The following VTI1A variants were observed in gnomAD, a reference collection of about 807,000 sequenced individuals.
VTI1A encodes the protein vesicle transport through interaction with t-SNAREs homolog 1A.
In VTI1A, 22 loss-of-function variants were observed where a neutral mutation model predicts 34.9. The ratio of observed to expected loss-of-function variants is 0.63; its 90% CI spans 0.45 to 0.90. The LOEUF (loss-of-function observed/expected upper bound fraction) is 0.90. VTI1A is among the 40% of genes least tolerant of loss of function. The pLI, the probability that VTI1A is intolerant of heterozygous loss-of-function variation, is 0.00. For synonymous variants in VTI1A, 87 were observed against 97.3 expected, an observed-to-expected ratio of 0.89 and a Z score of 0.62; for missense variants, 268 against 275.6, an observed-to-expected ratio of 0.97 and a Z score of 0.20.
the VTI1A span, among the ~76,000 whole-genome samples, chr10:112,838,471 G>C: frequency 6.6e-6 from 1 of 151,580 alleles, no homozygotes; most frequent in African/African-American, 2.4e-5. Flanking sequence ...TTACAACTGG[G>C]AATGATCCTG....
chr10:112,604,807 A>C (rs1845013317), intron 5 of VTI1A, among the ~76,000 whole-genome samples: 1 of 152,158 alleles, frequency 6.6e-6, no homozygotes, highest in Non-Finnish European at 1.5e-5. Context: ...TTAAAGGCAC[A>C]TTTCTTGGTG....
intron 5 of VTI1A, among the ~76,000 whole-genome samples, chr10:112,591,503 G>C (rs991781444): frequency 1.4e-5 from 2 of 141,688 alleles, no homozygotes; most frequent in African/African-American, 5.3e-5. Context: ...CTGGGTGACA[G>C]AGTGAGACTC....
At position 112,816,922 on chromosome 10, in the gene VTI1A, C is replaced by T. The variant is rs1303829170; in HGVS notation, c.*1539C>T. 2 of 230,514 alleles carry T rather than the reference C, an allele frequency of 8.7e-6. No homozygotes were observed. The highest frequency in any genetic ancestry group is 2.2e-5 in the African/African-American group (1 of 45,170). The allele number at this position is 230,514 out of a possible 1,614,324, so 14.3% of individuals were successfully genotyped here. Reference sequence around the variant, plus strand: ...AAACAGGCCAAGGCCTGCATGTGTTCGGATAAATCATTTAGTATTGTGTAA... The same window carrying T: ...AAACAGGCCAAGGCCTGCATGTGTTTGGATAAATCATTTAGTATTGTGTAA... On this transcript the variant is annotated 3_prime_UTR_variant, in exon 8 of 8. Transcript: ENST00000393077.
At chr10:112,586,947 C>A (rs535238824) in intron 5 of VTI1A, among the ~76,000 whole-genome samples, 1 of 152,240 alleles carries the variant, frequency 6.6e-6, no homozygotes, top group East Asian at 1.9e-4. Flanking sequence ...CTCAGAAATT[C>A]CACATCCATA....
chr10:112,490,269 A>C (rs1236659606), intron 3 of VTI1A, among the ~76,000 whole-genome samples: 2 of 152,238 alleles, frequency 1.3e-5, no homozygotes, highest in Non-Finnish European at 2.9e-5. Context: ...GTGAAATGAG[A>C]AAAAAGTCTT....
At chr10:112,629,936 C>T (rs868853202) in intron 5 of VTI1A, among the ~76,000 whole-genome samples, 12 of 151,934 alleles carry the variant, frequency 7.9e-5, no homozygotes, top group Admixed American at 6.6e-4. Flanking sequence ...TTTTTTTAAA[C>T]GAAGATGATT....
intron 7 of VTI1A, among the ~76,000 whole-genome samples, chr10:112,769,749 T>C (rs1427684730): frequency 1.3e-5 from 2 of 152,098 alleles, no homozygotes; most frequent in Non-Finnish European, 2.9e-5. Flanking sequence ...TCTTTTACCT[T>C]CCTGTTGCAA....
At chr10:112,524,031 G>GT (rs965177646) in intron 3 of VTI1A, among the ~76,000 whole-genome samples, 28 of 151,102 alleles carry the variant, frequency 1.9e-4, no homozygotes, top group East Asian at 1.2e-3. Flanking sequence ...TGTAGCATGG[G>GT]TTTTTTTTTA....
chr10:112,800,269 G>A (rs1021466390), intron 7 of VTI1A, among the ~76,000 whole-genome samples: 1 of 152,200 alleles, frequency 6.6e-6, no homozygotes, highest in African/African-American at 2.4e-5. Flanking sequence ...CTGAAGGCAG[G>A]GATTCCAGGC....
At chr10:112,639,984 A>G (rs1846505933) in intron 5 of VTI1A, among the ~76,000 whole-genome samples, 1 of 152,198 alleles carries the variant, frequency 6.6e-6, no homozygotes, top group South Asian at 2.1e-4. Flanking sequence ...CTTCACCAGT[A>G]AATTAGGAAT....
chr10:112,584,233 A>G (rs1844065024), intron 5 of VTI1A, among the ~76,000 whole-genome samples: 1 of 152,220 alleles, frequency 6.6e-6, no homozygotes, highest in Non-Finnish European at 1.5e-5. Flanking sequence ...TAGTCTGGAC[A>G]TTCTAGCATC....
the VTI1A span, among the ~76,000 whole-genome samples, chr10:112,837,352 G>A: frequency 6.6e-6 from 1 of 152,080 alleles, no homozygotes; most frequent in Non-Finnish European, 1.5e-5. Flanking sequence ...GAGGGGGAGG[G>A]GATAGAAGAC....
At chr10:112,547,410 C>G (rs1046936284) in intron 5 of VTI1A, among the ~76,000 whole-genome samples, 9 of 152,104 alleles carry the variant, frequency 5.9e-5, no homozygotes, top group African/African-American at 2.2e-4. Flanking sequence ...AACCCCGTCT[C>G]TATTAAAAAT....
chr10:112,734,179 C>T (rs1416925522), intron 7 of VTI1A, among the ~76,000 whole-genome samples: 1 of 152,236 alleles, frequency 6.6e-6, no homozygotes, highest in African/African-American at 2.4e-5. Context: ...CTCCTCCCAC[C>T]TCAAAATAGG....
chr10:112,580,077 T>TGGA (rs2134394807), intron 5 of VTI1A, among the ~76,000 whole-genome samples: 1 of 152,318 alleles, frequency 6.6e-6, no homozygotes, highest in East Asian at 1.9e-4. Flanking sequence ...TAGAGATCCC[T>TGGA]GATCATGTGT....
At chr10:112,457,074 A>T (rs11195964) in intron 1 of VTI1A, among the ~76,000 whole-genome samples, 70,876 of 152,046 alleles carry the variant, frequency 0.47, 18,713 homozygotes, top group Non-Finnish European at 0.61. Flanking sequence ...GAAGAAAAAA[A>T]CAAGATTTGT....
In VTI1A at chr10:112,816,835, C is replaced by G. The variant is rs971623645; in HGVS notation, c.*1452C>G. The G allele has an allele frequency of 1.7e-5, 4 of 229,902 alleles. No individual in the cohort carries two copies. The highest frequency in any genetic ancestry group is 3.4e-5 in the Non-Finnish European group (4 of 116,078). 14.2% of individuals were successfully genotyped at this position (229,902 alleles called of 1,614,324 possible). A position where few individuals can be genotyped will look rare whatever the true frequency, so the allele number is the denominator to read the frequency against. On this transcript the variant is annotated 3_prime_UTR_variant, in exon 8 of 8. Coordinates refer to ENST00000393077, the MANE Select transcript of VTI1A (RefSeq NM_145206.4). The stretch of plus-strand genomic sequence containing the variant: ...ATATTTTTCCCAACTCAGAAGAAAA[C>G]CATTATGGTTTAGAGAGGAAATGCA...
chr10:112,830,849 A>ATTTTTTTTTTTTTTTTTTT, the VTI1A span, among the ~76,000 whole-genome samples: 2 of 33,498 alleles, frequency 6.0e-5, no homozygotes, highest in African/African-American at 1.4e-4. Flanking sequence ...ATATATATAT[A>ATTTTTTTTTTTTTTTTTTT]TTTTTTTTTT....
intron 7 of VTI1A, among the ~76,000 whole-genome samples, chr10:112,742,507 A>G (rs1850726913): frequency 1.3e-5 from 2 of 152,214 alleles, no homozygotes; most frequent in African/African-American, 2.4e-5. Context: ...TCTTCCCTCT[A>G]GTATTGTGAA....
Sources: allele counts gnomAD v4.1 joint callset (sites outside exome capture counted in the v4.1 genomes callset), GRCh38; gene constraint gnomAD v4.1.1; transcripts MANE v1.5; gene names NCBI Gene and HGNC (gene_info 2026-07-23, HGNC 2026-07-21).